Variants in TTC7B observed in about 807,000 individuals in gnomAD.
TTC7B encodes the protein tetratricopeptide repeat domain 7B, also known as tetratricopeptide repeat protein 7B.
A neutral mutation model predicts 106.8 loss-of-function variants in TTC7B; 28 were observed. The observed-to-expected ratio is 0.26, with a 90% CI of 0.19 to 0.36. TTC7B has a LOEUF of 0.36. TTC7B is among the 10% of genes least tolerant of loss of function. The probability of loss-of-function intolerance (pLI) is 1.00; values close to 1 mark genes in which losing one functional copy is unlikely to be tolerated. For missense variants in TTC7B, 862 were observed against 1,076.4 expected (o/e 0.80, Z 2.79); for synonymous variants, 405 against 430.6 (o/e 0.94, Z 0.74).
chr14:90,669,364 A>T (rs1439751514), intron 9 of TTC7B, among the ~76,000 whole-genome samples: 1 of 152,202 alleles, frequency 6.6e-6, no homozygotes. Flanking sequence ...GATACACTGG[A>T]CTTAATCAAG....
In TTC7B at chr14:90,776,959, G is replaced by C. The variant is rs190232144; in HGVS notation, c.445+3779C>G. On this transcript the variant is annotated intron_variant, in intron 3 of 19. Coordinates refer to ENST00000328459, the MANE Select transcript of TTC7B (RefSeq NM_001010854.2). ...GGTGGCAAAGACTGAATGAAGGCTG[G>C]GCATGGTGGCTCATGCCTTTAATCC... 5.3e-3 allele frequency among the ~76,000 whole-genome samples: 811 copies of C among 152,350 alleles called. 5 individuals carry two copies. Among genetic ancestry groups the C allele is most frequent in the Non-Finnish European group, 7.4e-3 (506 of 68,044 alleles).
At position 90,735,716 on chromosome 14, in the gene TTC7B, T is replaced by TA. The variant is rs1555394602; in HGVS notation, c.577-5521dup. Among the ~76,000 whole-genome samples the TA allele has an allele frequency of 1.7e-3, 256 of 150,856 alleles. 1 individual carries two copies. The highest frequency in any genetic ancestry group is 4.8e-3 in the African/African-American group (199 of 41,244). On this transcript the variant is annotated intron_variant, in intron 4 of 19. Transcript: ENST00000328459. ...ACTTTTTTTAAATATTTTTTTTTTT[T>TA]AAAAAACCTACTAAAGTCTATAGAA...
At chr14:90,620,551 C>A (rs1390190172) in intron 15 of TTC7B, among the ~76,000 whole-genome samples, 1 of 152,122 alleles carries the variant, frequency 6.6e-6, no homozygotes, top group Admixed American at 6.5e-5. Context: ...CAAGCAATTG[C>A]GGCAAGGGGA....
At chr14:90,630,558 A>C (rs1224939283) in intron 15 of TTC7B, among the ~76,000 whole-genome samples, 1 of 152,222 alleles carries the variant, frequency 6.6e-6, no homozygotes, top group Non-Finnish European at 1.5e-5. Context: ...GTACATTCAC[A>C]CTGTTGTGCA....
intron 1 of TTC7B, among the ~76,000 whole-genome samples, chr14:90,811,540 C>G (rs1202297970): frequency 6.6e-6 from 1 of 152,178 alleles, no homozygotes; most frequent in Non-Finnish European, 1.5e-5. Flanking sequence ...AGCCCAGGAC[C>G]CTGCACCCTC....
rs568842890 is a variant in TTC7B, at chr14:90,542,103, C to A, written c.2311-514G>T. ...TACAGGCGCCCGCCACCACGCCCGG[C>A]TAATTTTTTGTATTTTTAGTAGAGA... On this transcript the variant is annotated intron_variant, in intron 19 of 19. Coordinates refer to ENST00000328459, the MANE Select transcript of TTC7B (RefSeq NM_001010854.2). 2.7e-3 allele frequency among the ~76,000 whole-genome samples: 416 copies of A among 152,268 alleles called. 2 individuals carry two copies. Among genetic ancestry groups the A allele is most frequent in the Non-Finnish European group, 5.0e-3 (338 of 68,000 alleles).
chr14:90,645,120 CT>C (rs1429160111), intron 14 of TTC7B: 6 of 152,204 alleles, frequency 3.9e-5, no homozygotes, highest in South Asian at 4.1e-4. Flanking sequence ...CCACAGATGG[CT>C]TCCGGTCTCG....
chr14:90,617,285 A>G (rs892102797), intron 16 of TTC7B, among the ~76,000 whole-genome samples: 9 of 150,258 alleles, frequency 6.0e-5, no homozygotes, highest in African/African-American at 2.2e-4. Context: ...ATCTTTCATC[A>G]TCTTATAGGA....
chr14:90,796,445 C>T (rs192285921), intron 1 of TTC7B, among the ~76,000 whole-genome samples: 28 of 152,322 alleles, frequency 1.8e-4, no homozygotes, highest in Non-Finnish European at 3.5e-4. Context: ...ACAACAGAGC[C>T]AGTCCCCTGA....
intron 17 of TTC7B, among the ~76,000 whole-genome samples, chr14:90,594,625 T>C (rs922106697): frequency 2.0e-5 from 3 of 152,328 alleles, no homozygotes; most frequent in Middle Eastern, 3.4e-3. Flanking sequence ...TCAAAAAGTT[T>C]AGTATGGAGA....
rs978231825 is a variant in TTC7B at position 90,757,067 on chromosome 14, GACAA to G, written c.446-12149_446-12146del. On this transcript the variant is annotated intron_variant, in intron 3 of 19. Coordinates refer to ENST00000328459, the MANE Select transcript of TTC7B (RefSeq NM_001010854.2). This position sits in a 1 kb window ranked among gnomAD's most constrained non-coding sequence, Gnocchi z 4.1. The stretch of plus-strand genomic sequence containing the variant: ...AGGCAGAAGAGATCATGGAGTCAGA[GACAA>G]ACAGTTAGCAGAAGGCTTAACGTGG... Among the ~76,000 whole-genome samples the G allele has an allele frequency of 3.0e-4, 45 of 152,226 alleles. No homozygotes were observed. Among genetic ancestry groups the G allele is most frequent in the African/African-American group, 1.0e-3 (42 of 41,540 alleles).
chr14:90,560,950 A>G (rs973868943), intron 19 of TTC7B, among the ~76,000 whole-genome samples: 1 of 152,250 alleles, frequency 6.6e-6, no homozygotes, highest in African/African-American at 2.4e-5. Flanking sequence ...TAGAGAGCCA[A>G]TTATAACTCA....
At chr14:90,644,016 G>A (rs749373615) in intron 15 of TTC7B, 32 bp downstream of exon 15, 9 of 1,613,812 alleles carry the variant, frequency 5.6e-6, no homozygotes, top group Middle Eastern at 1.7e-4. Flanking sequence ...TAACTTCTGA[G>A]TAAGGGAAAA....
At chr14:90,712,936 A>G (rs1657512170) in intron 5 of TTC7B, among the ~76,000 whole-genome samples, 1 of 152,238 alleles carries the variant, frequency 6.6e-6, no homozygotes, top group Non-Finnish European at 1.5e-5. Flanking sequence ...AGATCAATGA[A>G]ACAAAATAGA....
chr14:90,816,052 G>A, intron 1 of TTC7B, 123 bp downstream of exon 1: 13 of 964,814 alleles, frequency 1.3e-5, no homozygotes, highest in Non-Finnish European at 1.5e-5. Flanking sequence ...CCCCTGGGCC[G>A]CAGCTCCCTC....
chr14:90,715,702 G>A (rs1446663681), intron 5 of TTC7B, among the ~76,000 whole-genome samples: 2 of 152,158 alleles, frequency 1.3e-5, no homozygotes, highest in African/African-American at 4.8e-5. Flanking sequence ...TCCAGAGTCA[G>A]TGCTGCACAA....
chr14:90,544,154 TGAG>T (rs1889724019), intron 19 of TTC7B, among the ~76,000 whole-genome samples: 1 of 152,164 alleles, frequency 6.6e-6, no homozygotes, highest in Admixed American at 6.5e-5. Context: ...CTCTCCTGGG[TGAG>T]GAGGAGGCGG....
chr14:90,552,484 A>T (rs905652158), intron 19 of TTC7B, among the ~76,000 whole-genome samples: 5 of 152,168 alleles, frequency 3.3e-5, no homozygotes, highest in African/African-American at 1.2e-4. Context: ...CCCTCTCCCC[A>T]GTGACATGAT....
chr14:90,601,432 C>T (rs1280019857), intron 17 of TTC7B, among the ~76,000 whole-genome samples: 2 of 152,170 alleles, frequency 1.3e-5, no homozygotes, highest in African/African-American at 4.8e-5. Flanking sequence ...TCCTTTCTCA[C>T]TCTTATTTTA....
Sources: allele counts gnomAD v4.1 joint callset (sites outside exome capture counted in the v4.1 genomes callset), GRCh38; gene constraint gnomAD v4.1.1; non-coding constraint Gnocchi (gnomAD v3.1); transcripts MANE v1.5; gene names NCBI Gene and HGNC (gene_info 2026-07-23, HGNC 2026-07-21).